NUP107: variants seen among roughly 807,000 people sequenced by gnomAD.
The protein encoded by NUP107 is nuclear pore complex protein Nup107.
A neutral mutation model predicts 141.0 loss-of-function variants in NUP107; 101 were observed. That is an observed-to-expected ratio of 0.72 (90% CI 0.61 to 0.84). NUP107 has a LOEUF of 0.84. Among genes scored for constraint, NUP107 ranks in the 40% least tolerant of loss-of-function variants. NUP107 has a pLI of 0.00. For synonymous variants in NUP107, 319 were observed against 363.9 expected, an observed-to-expected ratio of 0.88 and a Z score of 1.41; for missense variants, 941 against 1,102.7, an observed-to-expected ratio of 0.85 and a Z score of 2.08.
intron 1 of NUP107, 168 bp downstream of exon 1, chr12:68,687,241 G>T: frequency 1.0e-6 from 1 of 956,952 alleles, no homozygotes; most frequent in Non-Finnish European, 1.6e-6. Context: ...GGAAAAAGCC[G>T]CTTGGCGTGC....
At position 68,745,558 on chromosome 12, in the gene NUP107, C is replaced by T. The variant is rs1221335192; in HGVS notation, c.*3096C>T. The T allele has an allele frequency of 1.1e-4, 17 of 152,290 alleles. No individual in the cohort carries two copies. Among genetic ancestry groups the T allele is most frequent in the African/African-American group, 4.1e-4 (17 of 41,556 alleles). 9.4% of individuals were successfully genotyped at this position (152,290 alleles called of 1,614,324 possible). ...CATATATATATATTTGTATGCACCC[C>T]TAGAGACAGCTGTATATATATACGG... On this transcript the variant is annotated 3_prime_UTR_variant, in exon 28 of 28. Coordinates refer to ENST00000229179, the MANE Select transcript of NUP107 (RefSeq NM_020401.4).
At chr12:68,733,175 A>G (rs909156660) in intron 23 of NUP107, among the ~76,000 whole-genome samples, 1 of 152,200 alleles carries the variant, frequency 6.6e-6, no homozygotes, top group Admixed American at 6.5e-5. Flanking sequence ...TTTGCAAATA[A>G]TCTCAAGGCT....
intron 2 of NUP107, among the ~76,000 whole-genome samples, chr12:68,689,319 C>T (rs1339495607): frequency 6.6e-6 from 1 of 152,166 alleles, no homozygotes; most frequent in Non-Finnish European, 1.5e-5. Flanking sequence ...TGACTAAAAA[C>T]ATTTAGTTCA....
At chr12:68,705,745 T>G (rs1876547328) in intron 8 of NUP107, 1 of 704,756 alleles carries the variant, frequency 1.4e-6, no homozygotes, top group African/African-American at 1.7e-5. Flanking sequence ...CTCCTCGAGC[T>G]TCTCCCGAAT....
intron 10 of NUP107, among the ~76,000 whole-genome samples, chr12:68,711,989 G>A (rs537714790): frequency 6.6e-6 from 1 of 152,224 alleles, no homozygotes; most frequent in Admixed American, 6.5e-5. Context: ...CTTCTGTCCT[G>A]TTTTCAGCTA....
Position 68,734,849 on chromosome 12 carries a change from A to T in NUP107, c.2388+16A>T, listed in dbSNP as rs1877998619. 1.2e-6 allele frequency: 2 copies of T among 1,607,586 alleles called. No homozygotes were observed. Among genetic ancestry groups the T allele is most frequent in the South Asian group, 2.2e-5 (2 of 89,600 alleles). ...GAAATATGAAGTAAGTTAAATATGGATCTAGGATGTGCCTACTGCATCTTA... is the reference window on the plus strand; with the variant it reads ...GAAATATGAAGTAAGTTAAATATGGTTCTAGGATGTGCCTACTGCATCTTA... On this transcript the variant is annotated intron_variant, in intron 25 of 27. Coordinates refer to ENST00000229179, the MANE Select transcript of NUP107 (RefSeq NM_020401.4).
intron 14 of NUP107, among the ~76,000 whole-genome samples, chr12:68,719,887 A>G (rs1026699166): frequency 6.6e-5 from 10 of 152,224 alleles, no homozygotes; most frequent in African/African-American, 2.4e-4. Flanking sequence ...TTAGAGAAAA[A>G]GTACTGGGCT....
Position 68,727,350 on chromosome 12 carries a change from G to C in NUP107, c.1696-1G>C, listed in dbSNP as rs574616256. On this transcript the variant is annotated splice_acceptor_variant, in intron 19 of 27. Transcript: ENST00000229179. LOFTEE classifies it high-confidence loss of function. The stretch of plus-strand genomic sequence containing the variant: ...TAATTATGTCTTTTTTTCCTATGAA[G>C]GAGGAAGTTTCTATTGAAGTTTTAA... 2.7e-6 allele frequency: 4 copies of C among 1,483,844 alleles called. No individual in the cohort carries two copies. The South Asian group carries it at 4.8e-5, about 18-fold the overall frequency. 91.9% of individuals were successfully genotyped at this position (1,483,844 alleles called of 1,614,324 possible). A position where few individuals can be genotyped will look rare whatever the true frequency, so the allele number is the denominator to read the frequency against.
rs188186249 is a variant in NUP107 at position 68,712,252 on chromosome 12, G to T, written c.891-1478G>T. Among the ~76,000 whole-genome samples the T allele has an allele frequency of 3.1e-3, 469 of 152,056 alleles. 3 individuals carry two copies. Among genetic ancestry groups the T allele is most frequent in the African/African-American group, 0.011 (450 of 41,478 alleles). ...AATCCTAGCACTTTGGGAGGCCAAG[G>T]CAGGTGGATCACCTGAGATCAGGAG... is the stretch of plus-strand genomic sequence containing the variant. On this transcript the variant is annotated intron_variant, in intron 10 of 27. Coordinates refer to ENST00000229179, the MANE Select transcript of NUP107 (RefSeq NM_020401.4).
At chr12:68,715,997 C>G (rs1877088479) in intron 12 of NUP107, among the ~76,000 whole-genome samples, 1 of 152,066 alleles carries the variant, frequency 6.6e-6, no homozygotes, top group South Asian at 2.1e-4. Flanking sequence ...CCATATTGCA[C>G]TGCATACTCT....
At chr12:68,706,444 C>T (rs1257443934) in intron 8 of NUP107, 9 of 764,516 alleles carry the variant, frequency 1.2e-5, no homozygotes, top group East Asian at 4.9e-5. Flanking sequence ...ACGAGGAGAT[C>T]GCCAACCACA....
At position 68,726,538 on chromosome 12, in the gene NUP107, G is replaced by A. The variant is rs76801137; in HGVS notation, c.1616G>A (p.Arg539Lys). ...TTTAGCAAATGGCTTTCCAAAAGCA[G>A]AAACAATCTACCTGGACACCTGCTT... ...DEFSKWLSKS[R>K]NNLPGHLLRF... The change falls in exon 19 of 28, where the codon AGA becomes AAA. Residue 539 changes from arginine (R) to lysine (K), a missense_variant. Coordinates refer to ENST00000229179, the MANE Select transcript of NUP107 (RefSeq NM_020401.4). The A allele has an allele frequency of 3.7e-6, 6 of 1,613,860 alleles. No homozygotes were observed.
chr12:68,694,786 A>G (rs894470606), intron 5 of NUP107, among the ~76,000 whole-genome samples: 1 of 152,216 alleles, frequency 6.6e-6, no homozygotes, highest in Admixed American at 6.5e-5. Context: ...CTGTAATCGC[A>G]GCTACTCGGG....
intron 6 of NUP107, among the ~76,000 whole-genome samples, chr12:68,697,468 A>G (rs1876121013): frequency 9.4e-6 from 1 of 105,994 alleles, no homozygotes; most frequent in Non-Finnish European, 1.8e-5. Context: ...CTCAACAATA[A>G]GAAATGAGGG....
At position 68,741,953 on chromosome 12, in the gene NUP107, A is replaced by G. The variant is rs1878337396; in HGVS notation, c.2643A>G (p.Val881=). 6.2e-7 allele frequency: 1 copy of G among 1,611,390 alleles called. No homozygotes were observed. The highest frequency in any genetic ancestry group is 1.3e-5 in the African/African-American group (1 of 74,784). Residue 881 remains valine (V), a synonymous_variant, in exon 27 of 28, where the codon GTA becomes GTG. Coordinates refer to ENST00000229179, the MANE Select transcript of NUP107 (RefSeq NM_020401.4). ...YQECLQLADM[V]SSERHKLYLV... ...AATGCCTACAGTTAGCAGATATGGTATCCTCTGAGCGCCACAAACTGTACC... is the reference window on the plus strand; with the variant it reads ...AATGCCTACAGTTAGCAGATATGGTGTCCTCTGAGCGCCACAAACTGTACC...
intron 10 of NUP107, among the ~76,000 whole-genome samples, chr12:68,712,674 G>T (rs1592506026): frequency 7.0e-6 from 1 of 143,038 alleles, no homozygotes; most frequent in Admixed American, 7.0e-5. Flanking sequence ...ATGCCCTGTT[G>T]GGTTTTTACA....
intron 8 of NUP107, among the ~76,000 whole-genome samples, chr12:68,703,409 T>C (rs1876429667): frequency 2.0e-5 from 3 of 152,260 alleles, no homozygotes; most frequent in Admixed American, 1.3e-4. Flanking sequence ...ATTTGTTTTT[T>C]AACATATAAT....
intron 15 of NUP107, 114 bp downstream of exon 15, chr12:68,721,291 A>T: frequency 1.6e-6 from 1 of 613,938 alleles, no homozygotes; most frequent in Non-Finnish European, 2.8e-6. Context: ...AAGTATATAC[A>T]TACTTAAGTG....
At chr12:68,733,309 ATCACC>A in intron 23 of NUP107, 138 bp from the exon 24 acceptor site, 1 of 590,544 alleles carries the variant, frequency 1.7e-6, no homozygotes. Context: ...AGGTAGAAAG[ATCACC>A]AAGACCTTTA....
Sources: gnomAD v4.1 joint callset for allele counts (sites outside exome capture counted in the v4.1 genomes callset) on GRCh38, gnomAD v4.1.1 for gene constraint, MANE v1.5 for transcripts, NCBI Gene and HGNC (gene_info 2026-07-23, HGNC 2026-07-21) for gene names.